PIGX: variants seen among roughly 807,000 people sequenced by gnomAD.
PIGX encodes the protein GPI alpha-1,4-mannosyltransferase I, stabilizing subunit.
Under a neutral mutation model 28.7 loss-of-function variants are expected in PIGX, and 24 were observed. The observed-to-expected ratio is 0.84, with a 90% CI of 0.60 to 1.17. The LOEUF is 1.17. Among genes scored for constraint, PIGX ranks in the 50% most tolerant of loss-of-function variants. The probability of loss-of-function intolerance (pLI) is 0.00; values close to 1 mark genes in which losing one functional copy is unlikely to be tolerated. For synonymous variants in PIGX, 127 were observed against 121.0 expected, an observed-to-expected ratio of 1.05 and a Z score of -0.33; for missense variants, 305 against 317.8, an observed-to-expected ratio of 0.96 and a Z score of 0.31.
At chr3:196,715,834 T>C (rs1712074643) in intron 1 of PIGX, among the ~76,000 whole-genome samples, 2 of 152,074 alleles carry the variant, frequency 1.3e-5, no homozygotes, top group Admixed American at 1.3e-4. Flanking sequence ...TTTTTGTATT[T>C]TTCTTAATGG....
intron 4 of PIGX, chr3:196,728,772 C>T (rs747616333): frequency 2.6e-6 from 2 of 766,332 alleles, no homozygotes; most frequent in Non-Finnish European, 2.4e-6. Context: ...GCTGTGTTCT[C>T]TTCTCAGTAG....
intron 5 of PIGX, among the ~76,000 whole-genome samples, chr3:196,732,656 A>T (rs1023218532): frequency 6.6e-6 from 1 of 152,078 alleles, no homozygotes. Flanking sequence ...CATCCCAAGG[A>T]TTGTTGAAGA....
intron 1 of PIGX, 53 bp downstream of exon 1, chr3:196,712,697 G>A (rs1476945893): frequency 1.6e-5 from 19 of 1,162,122 alleles, no homozygotes; most frequent in Non-Finnish European, 2.0e-5. Flanking sequence ...CCCGGCTCCC[G>A]GGCCTCTCGG....
At position 196,722,411 on chromosome 3, in the gene PIGX, A is replaced by G; in HGVS notation, c.177-4A>G. On this transcript the variant is annotated splice_region_variant and splice_polypyrimidine_tract_variant and intron_variant, in intron 2 of 5. Transcript: ENST00000392391. ...GATTTACTTTCAATGTACTTGTCTT[A>G]CAGAGACCTTTTAATCAAAGTGAAG... is the stretch of plus-strand genomic sequence containing the variant. 6.2e-7 allele frequency: 1 copy of G among 1,605,858 alleles called. No homozygotes were observed. Among genetic ancestry groups the G allele is most frequent in the Non-Finnish European group, 8.5e-7 (1 of 1,173,364 alleles).
In PIGX at chr3:196,734,159, G is replaced by C; in HGVS notation, c.*257G>C. The C allele has an allele frequency of 2.9e-6, 1 of 344,106 alleles. No homozygotes were observed. The highest frequency in any genetic ancestry group is 5.2e-6 in the Non-Finnish European group (1 of 191,376). 21.3% of individuals were successfully genotyped at this position (344,106 alleles called of 1,614,324 possible). ...TGCTAAATTAATGTTTATTTTGTGA[G>C]AAGTGACTTTATCTTCATTTGGGGT... is the stretch of plus-strand genomic sequence containing the variant. On this transcript the variant is annotated 3_prime_UTR_variant, in exon 6 of 6. Coordinates refer to ENST00000392391, the MANE Select transcript of PIGX (RefSeq NM_017861.4).
In PIGX at chr3:196,728,055, C is replaced by G. The variant is rs185239934; in HGVS notation, c.451C>G (p.Arg151Gly). The G allele has an allele frequency of 6.8e-6, 11 of 1,614,000 alleles. No homozygotes were observed. The African/African-American group carries it at 1.5e-4, about 22-fold the overall frequency. The change falls in exon 4 of 6, where the codon CGC becomes GGC. Residue 151 changes from arginine to glycine, a missense_variant. Physicochemically the swap from Arg to Gly is moderately radical, Grantham distance 125 (BLOSUM62 -2). Coordinates refer to ENST00000392391, the MANE Select transcript of PIGX (RefSeq NM_017861.4). ...TCAAGCCTTTTTGCCTGTGCACTGC[C>G]GCTATCATCGGCCGCACAGTGAAGA...
chr3:196,722,601 G>T, intron 3 of PIGX, 45 bp downstream of exon 3: 2 of 1,542,758 alleles, frequency 1.3e-6, no homozygotes, highest in South Asian at 1.1e-5. Flanking sequence ...TAATTTAGGG[G>T]TGCTGTAGTT....
intron 5 of PIGX, among the ~76,000 whole-genome samples, chr3:196,732,214 A>ATTTATT (rs1553797078): frequency 6.0e-5 from 2 of 33,106 alleles, no homozygotes; most frequent in Non-Finnish European, 1.1e-4. Context: ...TGTATATATT[A>ATTTATT]TTTATATATA....
At chr3:196,717,205 G>T (rs1004533161) in intron 2 of PIGX, among the ~76,000 whole-genome samples, 1 of 150,602 alleles carries the variant, frequency 6.6e-6, no homozygotes, top group Non-Finnish European at 1.5e-5. Context: ...AGAGGCTGAG[G>T]CAGGAGAATC....
rs755926805 is a variant in PIGX, at chr3:196,733,771, G to A, written c.646G>A (p.Val216Met). 1 of 1,594,666 alleles carries A rather than the reference G, an allele frequency of 6.3e-7. No homozygotes were observed. Among genetic ancestry groups the A allele is most frequent in the East Asian group, 2.2e-5 (1 of 44,806 alleles). Reference sequence around the variant, plus strand: ...TCTCTCTCCATAGGTATATAAGAATGTGATTCTACAAGTTCCAGTGGGACT... The same window carrying A: ...TCTCTCTCCATAGGTATATAAGAATATGATTCTACAAGTTCCAGTGGGACT... Residue 216 changes from valine (V) to methionine (M), a missense_variant, in exon 6 of 6, where the codon GTG (valine) becomes ATG (methionine). Physicochemically the swap from Val to Met is conservative, Grantham distance 21. Transcript: ENST00000392391. The surrounding 1 kb of genome is among the most constrained non-coding windows in gnomAD (Gnocchi z 4.3).
At chr3:196,732,279 TTTTA>T (rs1347020641) in intron 5 of PIGX, among the ~76,000 whole-genome samples, 1 of 60,270 alleles carries the variant, frequency 1.7e-5, no homozygotes, top group African/African-American at 7.0e-5. Flanking sequence ...TTATTTTTTT[TTTTA>T]TTTTATTTTT....
At chr3:196,721,521 G>A (rs866007683) in intron 2 of PIGX, among the ~76,000 whole-genome samples, 28 of 150,682 alleles carry the variant, frequency 1.9e-4, no homozygotes, top group African/African-American at 6.4e-4. Flanking sequence ...CTGCAGCCTC[G>A]ACCTCCTGGG....
At chr3:196,723,004 A>T (rs781135982) in intron 3 of PIGX, among the ~76,000 whole-genome samples, 18 of 152,214 alleles carry the variant, frequency 1.2e-4, no homozygotes, top group Non-Finnish European at 2.4e-4. Context: ...TACATAAATT[A>T]ATCTTTATAA....
At chr3:196,715,038 T>G (rs1712037644) in intron 1 of PIGX, among the ~76,000 whole-genome samples, 3 of 152,244 alleles carry the variant, frequency 2.0e-5, no homozygotes, top group Middle Eastern at 3.4e-3. Flanking sequence ...ATCGTGCAAC[T>G]GCAGTGCAGC....
At position 196,731,029 on chromosome 3, in the gene PIGX, G is replaced by A; in HGVS notation, c.570G>A (p.Val190=). Residue 190 remains valine (V), a synonymous_variant, in exon 5 of 6, where the codon GTG becomes GTA. Transcript: ENST00000392391. ...TGAAATGCTGGGCTCACTCAGAAGT[G>A]GCAGCCCCTTGTGCTTTGGAGAATG... The A allele has an allele frequency of 6.2e-7, 1 of 1,612,052 alleles. No individual in the cohort carries two copies. Among genetic ancestry groups the A allele is most frequent in the Non-Finnish European group, 8.5e-7 (1 of 1,178,300 alleles).
chr3:196,712,638 G>C lies in PIGX; in HGVS notation c.106G>C (p.Asp36His). 8.4e-7 allele frequency: 1 copy of C among 1,189,578 alleles called. No individual in the cohort carries two copies. Among genetic ancestry groups the C allele is most frequent in the Non-Finnish European group, 1.0e-6 (1 of 960,586 alleles). 73.7% of individuals were successfully genotyped at this position (1,189,578 alleles called of 1,614,324 possible). A position where few individuals can be genotyped will look rare whatever the true frequency, so the allele number is the denominator to read the frequency against. The change falls in exon 1 of 6, where the codon GAC (aspartate) becomes CAC (histidine). Residue 36 changes from aspartate (D) to histidine (H), a missense_variant. Coordinates refer to ENST00000392391, the MANE Select transcript of PIGX (RefSeq NM_017861.4). ...CGCGGCCTTCACCGCCGCGCGCTCT[G>C]ACGCCGGTAAGGGGGGCGGGGCTTG...
At chr3:196,713,496 G>A (rs1028025610) in intron 1 of PIGX, among the ~76,000 whole-genome samples, 1 of 151,780 alleles carries the variant, frequency 6.6e-6, no homozygotes, top group African/African-American at 2.4e-5. Context: ...TAGTAGAGAC[G>A]GGGTTTCGCC....
At chr3:196,732,216 T>TTA (rs1175656364) in intron 5 of PIGX, among the ~76,000 whole-genome samples, 1,056 of 51,194 alleles carry the variant, frequency 0.021, 13 homozygotes, top group South Asian at 0.029. Flanking sequence ...TATATATTAT[T>TTA]TATATATATA....
intron 2 of PIGX, among the ~76,000 whole-genome samples, chr3:196,718,667 G>GC (rs1286789937): frequency 6.6e-6 from 1 of 152,144 alleles, no homozygotes; most frequent in Non-Finnish European, 1.5e-5. Flanking sequence ...AAGGCTACTG[G>GC]CCCATGACTC....
Sources: gnomAD v4.1 joint callset for allele counts (sites outside exome capture counted in the v4.1 genomes callset) on GRCh38, gnomAD v4.1.1 for gene constraint, Gnocchi (gnomAD v3.1) non-coding constraint, MANE v1.5 for transcripts, NCBI Gene and HGNC (gene_info 2026-07-23, HGNC 2026-07-21) for gene names.